Variants in DMD observed in about 807,000 individuals in gnomAD.
DMD encodes dystrophin.
Under a neutral mutation model 330.1 loss-of-function variants are expected in DMD, and 63 were observed. The ratio of observed to expected loss-of-function variants is 0.19; its 90% CI spans 0.16 to 0.24. The LOEUF (loss-of-function observed/expected upper bound fraction) is 0.24. Among genes scored for constraint, DMD ranks in the 10% least tolerant of loss-of-function variants. DMD has a pLI of 1.00. For synonymous variants in DMD, 1,223 were observed against 959.8 expected (o/e 1.27, Z -5.07); for missense variants, 3,344 against 2,684.1 (o/e 1.25, Z -5.43).
intron 2 of DMD, among the ~76,000 whole-genome samples, chrX:32,924,245 A>G (rs761299894): frequency 8.9e-6 from 1 of 112,040 alleles, no homozygotes; most frequent in East Asian, 2.8e-4. Flanking sequence ...AATGTTAGCT[A>G]GACCAGGCAT....
intron 15 of DMD, among the ~76,000 whole-genome samples, chrX:32,566,553 C>G (rs74430108): frequency 8.9e-6 from 1 of 112,198 alleles, no homozygotes; most frequent in Non-Finnish European, 1.9e-5. Flanking sequence ...AGTAAAAGAA[C>G]TAAGTCGCTG....
At position 31,831,851 on chromosome X, in the gene DMD, C is replaced by A. The variant is rs935255778; in HGVS notation, c.7200+4867G>T. ...TCTCCTGACTTTGTGATCCGCCCACCTTGGCCTCCCAAAGTGCTGGTATTA... is the reference window on the plus strand; with the variant it reads ...TCTCCTGACTTTGTGATCCGCCCACATTGGCCTCCCAAAGTGCTGGTATTA... On this transcript the variant is annotated intron_variant, in intron 49 of 78. Coordinates refer to ENST00000357033, the MANE Select transcript of DMD (RefSeq NM_004006.3). 3.6e-5 allele frequency among the ~76,000 whole-genome samples: 4 copies of A among 112,517 alleles called. No individual in the cohort carries two copies. The Admixed American group carries it at 3.7e-4, about 11-fold the overall frequency.
chrX:33,332,494 CAT>C (rs1343857667), intron 1 of DMD, among the ~76,000 whole-genome samples: 5 of 111,542 alleles, frequency 4.5e-5, no homozygotes, highest in East Asian at 2.8e-4. Flanking sequence ...TGCAAATACA[CAT>C]GAGAGCTTTA....
intron 55 of DMD, among the ~76,000 whole-genome samples, chrX:31,573,737 T>C (rs1249825044): frequency 9.0e-6 from 1 of 111,454 alleles, no homozygotes; most frequent in Non-Finnish European, 1.9e-5. Context: ...TGAAGCACAT[T>C]ACTATTAGTA....
intron 1 of DMD, among the ~76,000 whole-genome samples, chrX:33,262,189 A>C (rs762144966): frequency 8.9e-6 from 1 of 111,972 alleles, no homozygotes; most frequent in African/African-American, 3.2e-5. Context: ...AAATGAATCA[A>C]TTTTAAAGAA....
chrX:32,028,925 G>C (rs767465764), intron 44 of DMD, among the ~76,000 whole-genome samples: 76 of 111,218 alleles, frequency 6.8e-4, no homozygotes, highest in Non-Finnish European at 1.3e-3. Flanking sequence ...CTTTTACTTA[G>C]TACTAGTAAA....
At chrX:32,852,079 C>T (rs930742648) in intron 2 of DMD, among the ~76,000 whole-genome samples, 16 of 111,722 alleles carry the variant, frequency 1.4e-4, no homozygotes, top group African/African-American at 5.2e-4. Context: ...GTGCTTGTAC[C>T]ACCCCATCCT....
intron 42 of DMD, among the ~76,000 whole-genome samples, chrX:32,289,992 C>T (rs375012818): frequency 1.8e-5 from 2 of 111,524 alleles, no homozygotes; most frequent in East Asian, 5.6e-4. Flanking sequence ...TTCACTATGA[C>T]CTATAAATCT....
intron 45 of DMD, among the ~76,000 whole-genome samples, chrX:31,937,617 T>TG (rs1481677141): frequency 3.6e-5 from 4 of 111,935 alleles, no homozygotes; most frequent in African/African-American, 1.3e-4. Flanking sequence ...AGCCTCGATT[T>TG]GAAGTTTTAA....
At chrX:31,896,491 A>T (rs111771896) in intron 47 of DMD, among the ~76,000 whole-genome samples, 2,371 of 111,763 alleles carry the variant, frequency 0.021, 59 homozygotes, top group East Asian at 0.087. Flanking sequence ...GTTATCTGTC[A>T]TCTTTTTAAA....
At chrX:33,028,132 T>A (rs911894518) in intron 1 of DMD, among the ~76,000 whole-genome samples, 1 of 111,934 alleles carries the variant, frequency 8.9e-6, no homozygotes, top group Non-Finnish European at 1.9e-5. Context: ...AGAAGACACA[T>A]GAGCTGATTA....
rs1343045226 is a variant in DMD, at chrX:31,932,902, G to A, written c.6615-675C>T. Among the ~76,000 whole-genome samples the A allele has an allele frequency of 3.6e-5, 4 of 112,047 alleles. No individual in the cohort carries two copies. The Admixed American group carries it at 3.8e-4, about 11-fold the overall frequency. ...AGGTTTGGAAAATTCTTTGCTGTGA[G>A]CAGCTATCCTCTGCATTGTAGGGTA... On this transcript the variant is annotated intron_variant, in intron 45 of 78. Coordinates refer to ENST00000357033, the MANE Select transcript of DMD (RefSeq NM_004006.3).
At chrX:31,809,390 T>C (rs1362318978) in intron 50 of DMD, among the ~76,000 whole-genome samples, 2 of 109,226 alleles carry the variant, frequency 1.8e-5, no homozygotes, top group African/African-American at 6.6e-5. Context: ...ATGAGTTTTT[T>C]TGAAGGTGTG....
At chrX:31,836,905 C>A (rs1038566850) in intron 48 of DMD, 86 bp from the exon 49 acceptor site, 1 of 795,491 alleles carries the variant, frequency 1.3e-6, no homozygotes. Flanking sequence ...GGAGACTCCA[C>A]ATGTATTGCA....
At chrX:33,032,836 G>A (rs2094138171) in intron 1 of DMD, among the ~76,000 whole-genome samples, 1 of 112,369 alleles carries the variant, frequency 8.9e-6, no homozygotes, top group Non-Finnish European at 1.9e-5. Context: ...ACTTAAAACA[G>A]AAATAAAGTT....
chrX:31,622,243 A>C (rs2078570998), intron 55 of DMD, among the ~76,000 whole-genome samples: 1 of 111,282 alleles, frequency 9.0e-6, no homozygotes, highest in Non-Finnish European at 1.9e-5. Context: ...TAATGTTAAA[A>C]TACAGAGGCT....
chrX:31,576,982 T>A (rs1394847653), intron 55 of DMD, among the ~76,000 whole-genome samples: 2 of 111,789 alleles, frequency 1.8e-5, no homozygotes, highest in Non-Finnish European at 3.8e-5. Context: ...CCCAAAGTGC[T>A]GGGATTACAG....
chrX:32,082,632 T>C (rs142729922), intron 44 of DMD, among the ~76,000 whole-genome samples: 1,607 of 111,817 alleles, frequency 0.014, 36 homozygotes, highest in African/African-American at 0.049. Context: ...TAACATCCTT[T>C]GTAAAAAACA....
chrX:33,288,992 G>A (rs138935701), intron 1 of DMD, among the ~76,000 whole-genome samples: 157 of 111,744 alleles, frequency 1.4e-3, no homozygotes, highest in African/African-American at 4.9e-3. Context: ...AGACGAGACT[G>A]TGAGGTTTCC....
Sources: allele counts gnomAD v4.1 joint callset (sites outside exome capture counted in the v4.1 genomes callset), GRCh38; gene constraint gnomAD v4.1.1; transcripts MANE v1.5; gene names NCBI Gene and HGNC (gene_info 2026-07-23, HGNC 2026-07-21).